Variants in ZNF804A observed in about 807,000 individuals in gnomAD.
ZNF804A encodes the protein zinc finger protein 804A.
In ZNF804A, 2 loss-of-function variants were observed where a neutral mutation model predicts 16.5. The observed-to-expected ratio is 0.12, with a 90% CI of 0.05 to 0.38. The LOEUF (loss-of-function observed/expected upper bound fraction) is 0.38, where lower values mean the gene tolerates loss of function less well. Among genes scored for constraint, ZNF804A ranks in the 10% least tolerant of loss-of-function variants. The pLI is 0.99. For synonymous variants in ZNF804A, 534 were observed against 489.6 expected, an observed-to-expected ratio of 1.09 and a Z score of -1.20; for missense variants, 1,473 against 1,390.7, an observed-to-expected ratio of 1.06 and a Z score of -0.94.
At chr2:184,865,667 A>G (rs914868178) in intron 1 of ZNF804A, among the ~76,000 whole-genome samples, 2 of 152,162 alleles carry the variant, frequency 1.3e-5, no homozygotes, top group Admixed American at 6.5e-5. Context: ...CTATATGTTC[A>G]TCTTCTCAGG....
intron 1 of ZNF804A, among the ~76,000 whole-genome samples, chr2:184,690,530 G>C (rs1382745575): frequency 1.3e-5 from 2 of 152,026 alleles, no homozygotes. Context: ...TAACCTAGAA[G>C]AGAAATTCTA....
chr2:184,606,438 G>C (rs1245342707), intron 1 of ZNF804A, among the ~76,000 whole-genome samples: 2 of 152,122 alleles, frequency 1.3e-5, no homozygotes, highest in Non-Finnish European at 2.9e-5. Flanking sequence ...CTGCCCCTAT[G>C]ATCCAGTCAC....
intron 1 of ZNF804A, among the ~76,000 whole-genome samples, chr2:184,744,711 T>C (rs1693761501): frequency 6.6e-6 from 1 of 151,906 alleles, no homozygotes. Context: ...TGGTTTCCTC[T>C]GAAAAGTATT....
At chr2:184,836,768 A>T (rs934911153) in intron 1 of ZNF804A, among the ~76,000 whole-genome samples, 2 of 151,168 alleles carry the variant, frequency 1.3e-5, no homozygotes, top group Non-Finnish European at 2.9e-5. Context: ...CAGCTTCCCT[A>T]TTCTTAATCT....
chr2:184,714,567 T>G (rs1006266395), intron 1 of ZNF804A, among the ~76,000 whole-genome samples: 1 of 152,134 alleles, frequency 6.6e-6, no homozygotes, highest in Non-Finnish European at 1.5e-5. Flanking sequence ...TGAAATTATC[T>G]AAAAAGTGCT....
At chr2:184,774,703 T>C (rs911398583) in intron 1 of ZNF804A, among the ~76,000 whole-genome samples, 1 of 151,836 alleles carries the variant, frequency 6.6e-6, no homozygotes, top group Non-Finnish European at 1.5e-5. Context: ...TTATCAAAAA[T>C]ATTTGCTCTG....
intron 2 of ZNF804A, among the ~76,000 whole-genome samples, chr2:184,896,028 T>C (rs896315261): frequency 5.9e-5 from 9 of 152,188 alleles, no homozygotes; most frequent in African/African-American, 2.2e-4. Flanking sequence ...AATACTGAAA[T>C]CTAGTTTATT....
At chr2:184,767,369 T>A (rs2105766679) in intron 1 of ZNF804A, among the ~76,000 whole-genome samples, 1 of 152,260 alleles carries the variant, frequency 6.6e-6, no homozygotes, top group Non-Finnish European at 1.5e-5. Context: ...TACAGTATGA[T>A]TCCACTTACA....
intron 1 of ZNF804A, among the ~76,000 whole-genome samples, chr2:184,700,625 C>CAAAGACAAACT (rs1183261966): frequency 6.6e-6 from 1 of 151,850 alleles, no homozygotes; most frequent in African/African-American, 2.4e-5. Context: ...CCTTGAATGA[C>CAAAGACAAACT]AAAGACAAAC....
chr2:184,729,404 T>C (rs1693475223), intron 1 of ZNF804A, among the ~76,000 whole-genome samples: 1 of 151,892 alleles, frequency 6.6e-6, no homozygotes, highest in Admixed American at 6.6e-5. Flanking sequence ...CATAAAAACA[T>C]GAGTATATGC....
chr2:184,680,573 A>G (rs1299738804), intron 1 of ZNF804A, among the ~76,000 whole-genome samples: 1 of 152,218 alleles, frequency 6.6e-6, no homozygotes, highest in Non-Finnish European at 1.5e-5. Flanking sequence ...CTGGACAATC[A>G]TCAGAATGAT....
chr2:184,932,128 G>A (rs544965136), intron 2 of ZNF804A, among the ~76,000 whole-genome samples: 22 of 152,190 alleles, frequency 1.4e-4, no homozygotes, highest in African/African-American at 5.1e-4. Flanking sequence ...GTCTGTAGGA[G>A]GTTTCAAACT....
At chr2:184,858,901 C>T (rs902383692) in intron 1 of ZNF804A, among the ~76,000 whole-genome samples, 14 of 152,192 alleles carry the variant, frequency 9.2e-5, no homozygotes, top group Non-Finnish European at 7.3e-5. Flanking sequence ...AACATTCCTT[C>T]ATTTCTAAAA....
chr2:184,807,794 A>G (rs545524859), intron 1 of ZNF804A, among the ~76,000 whole-genome samples: 1 of 151,842 alleles, frequency 6.6e-6, no homozygotes, highest in African/African-American at 2.4e-5. Context: ...AGTATAGACT[A>G]GGAAAAACAC....
intron 1 of ZNF804A, among the ~76,000 whole-genome samples, chr2:184,624,649 C>G (rs1421591331): frequency 1.3e-5 from 2 of 152,110 alleles, no homozygotes; most frequent in Non-Finnish European, 2.9e-5. Context: ...ATTCTAAATT[C>G]TACACTACTA....
chr2:184,693,381 T>A (rs1692764908), intron 1 of ZNF804A, among the ~76,000 whole-genome samples: 1 of 152,216 alleles, frequency 6.6e-6, no homozygotes. Flanking sequence ...CATCAAATAT[T>A]AATAATATAA....
At chr2:184,649,201 A>G (rs1207433219) in intron 1 of ZNF804A, among the ~76,000 whole-genome samples, 1 of 152,184 alleles carries the variant, frequency 6.6e-6, no homozygotes, top group Admixed American at 6.5e-5. Flanking sequence ...CAATAAATTA[A>G]GGCAGAATTT....
chr2:184,854,331 A>G (rs1452697615), intron 1 of ZNF804A, among the ~76,000 whole-genome samples: 1 of 151,986 alleles, frequency 6.6e-6, no homozygotes, highest in Non-Finnish European at 1.5e-5. Flanking sequence ...GCAGCTGTGA[A>G]ATAACTTTTC....
intron 2 of ZNF804A, among the ~76,000 whole-genome samples, chr2:184,873,398 G>A (rs781638180): frequency 6.6e-6 from 1 of 152,178 alleles, no homozygotes; most frequent in Non-Finnish European, 1.5e-5. Flanking sequence ...TGAGGTGGAA[G>A]GATCGCTTGA....
Sources: allele counts gnomAD v4.1 joint callset (sites outside exome capture counted in the v4.1 genomes callset), GRCh38; gene constraint gnomAD v4.1.1; transcripts MANE v1.5; gene names NCBI Gene and HGNC (gene_info 2026-07-23, HGNC 2026-07-21).